The following CYLC1 variants were observed in gnomAD, a reference collection of about 807,000 sequenced individuals.
The protein encoded by CYLC1 is cylicin-1.
CYLC1 carries 2 observed loss-of-function variants against 31.6 expected under a neutral mutation model. The observed-to-expected ratio is 0.06, with a 90% CI of 0.03 to 0.20. CYLC1 has a LOEUF of 0.20. CYLC1 is among the 10% of genes least tolerant of loss of function. The pLI is 1.00. For missense variants in CYLC1, 595 were observed against 424.1 expected, an observed-to-expected ratio of 1.40 and a Z score of -3.54; for synonymous variants, 185 against 153.0, an observed-to-expected ratio of 1.21 and a Z score of -1.54.
chrX:83,876,318 C>G (rs2031757890), intron 4 of CYLC1, among the ~76,000 whole-genome samples: 1 of 110,132 alleles, frequency 9.1e-6, no homozygotes, highest in Admixed American at 9.8e-5. Flanking sequence ...TGGCTAACCA[C>G]TAGTGTGACA....
At chrX:83,884,207 CCT>C (rs1304937065) in intron 4 of CYLC1, among the ~76,000 whole-genome samples, 1 of 111,489 alleles carries the variant, frequency 9.0e-6, no homozygotes, top group African/African-American at 3.3e-5. Flanking sequence ...TATTGTGATG[CCT>C]CTTCACAACA....
intron 4 of CYLC1, among the ~76,000 whole-genome samples, chrX:83,885,990 T>C (rs2147788901): frequency 9.1e-6 from 1 of 110,364 alleles, no homozygotes; most frequent in African/African-American, 3.3e-5. Flanking sequence ...ACTATAAGGC[T>C]AAGAGAAATA....
In CYLC1 at chrX:83,873,606, T is replaced by A. The variant is rs1337038630; in HGVS notation, c.898T>A (p.Ser300Thr). Residue 300 changes from serine (S) to threonine (T), a missense_variant, in exon 4 of 5, where the codon TCT (serine) becomes ACT (threonine). Physicochemically the swap from Ser to Thr is moderately conservative, Grantham distance 58. Coordinates refer to ENST00000329312, the MANE Select transcript of CYLC1 (RefSeq NM_021118.3). ...KNAKKSSDAE[S>T]EDSKDAKKDS... Reference sequence around the variant, plus strand: ...TGCAAAGAAAAGCTCTGATGCTGAATCTGAAGACTCAAAGGATGCTAAGAA... The same window carrying A: ...TGCAAAGAAAAGCTCTGATGCTGAAACTGAAGACTCAAAGGATGCTAAGAA... 1 of 1,188,427 alleles carries A rather than the reference T, an allele frequency of 8.4e-7. No homozygotes were observed.
Position 83,873,284 on chromosome X carries a change from A to G in CYLC1, c.576A>G (p.Ser192=), listed in dbSNP as rs763585371. Residue 192 remains serine, a synonymous_variant, in exon 4 of 5, where the codon TCA becomes TCG. Coordinates refer to ENST00000329312, the MANE Select transcript of CYLC1 (RefSeq NM_021118.3). ...NPESQNSKTV[S]KNCSQKDKKD... is the part of the protein sequence containing the mutation. ...AATCCCAAAATTCTAAGACAGTCTC[A>G]AAAAATTGTTCACAAAAAGATAAGA... 1 of 1,200,649 alleles carries G rather than the reference A, an allele frequency of 8.3e-7. No individual in the cohort carries two copies. The highest frequency in any genetic ancestry group is 1.1e-6 in the Non-Finnish European group (1 of 891,084).
Position 83,874,066 on chromosome X carries a change from A to G in CYLC1, c.1358A>G (p.Asp453Gly). 8.3e-7 allele frequency: 1 copy of G among 1,204,884 alleles called. No homozygotes were observed. The highest frequency in any genetic ancestry group is 1.8e-5 in the South Asian group (1 of 55,861). The change falls in exon 4 of 5, where the codon GAT becomes GGT. Residue 453 changes from aspartate (D) to glycine (G), a missense_variant. Asp to Gly is a moderately conservative substitution (Grantham distance 94). Coordinates refer to ENST00000329312, the MANE Select transcript of CYLC1 (RefSeq NM_021118.3). The part of the protein sequence containing the change: ...STDADSEPKG[D>G]SKKGKKDEKK... ...GATGCTGACTCTGAACCGAAGGGAG[A>G]TTCAAAAAAGGGTAAAAAGGATGAA... is the stretch of plus-strand genomic sequence containing the variant.
At chrX:83,886,344 T>C (rs765615400) in intron 4 of CYLC1, among the ~76,000 whole-genome samples, 1 of 110,941 alleles carries the variant, frequency 9.0e-6, no homozygotes, top group Non-Finnish European at 1.9e-5. Context: ...ACTGCTAGAC[T>C]ATATCTTCCC....
intron 4 of CYLC1, among the ~76,000 whole-genome samples, chrX:83,875,976 C>T (rs1415441246): frequency 9.1e-6 from 1 of 110,465 alleles, no homozygotes; most frequent in Non-Finnish European, 1.9e-5. Flanking sequence ...CCTTTCTTCT[C>T]CTCATTTCTC....
intron 1 of CYLC1, among the ~76,000 whole-genome samples, chrX:83,869,309 C>T (rs1000845723): frequency 9.0e-6 from 1 of 110,582 alleles, no homozygotes; most frequent in Non-Finnish European, 1.9e-5. Context: ...ATTATTTAAT[C>T]ACTCAGGTAT....
chrX:83,866,620 A>G (rs2031596273), intron 1 of CYLC1, among the ~76,000 whole-genome samples: 1 of 110,938 alleles, frequency 9.0e-6, no homozygotes, highest in African/African-American at 3.3e-5. Context: ...TGAGGATTCC[A>G]GCCATTAAAA....
intron 4 of CYLC1, among the ~76,000 whole-genome samples, chrX:83,882,405 G>A (rs1422549131): frequency 9.2e-6 from 1 of 108,977 alleles, no homozygotes; most frequent in East Asian, 2.9e-4. Flanking sequence ...CTTCATTTCT[G>A]TACCTTTTCT....
chrX:83,874,077 G>A lies in CYLC1; in HGVS notation c.1369G>A (p.Gly457Ser). The change falls in exon 4 of 5, where the codon GGT becomes AGT. Residue 457 changes from glycine (G) to serine (S), a missense_variant. By Grantham distance (56) the Gly-to-Ser change is moderately conservative (BLOSUM62 0). Transcript: ENST00000329312. ...DSEPKGDSKKGKKDEKKGKKD... is the reference protein window; with the variant it reads ...DSEPKGDSKKSKKDEKKGKKD... Reference sequence around the variant, plus strand: ...TGAACCGAAGGGAGATTCAAAAAAGGGTAAAAAGGATGAAAAGAAGGGGAA... The same window carrying A: ...TGAACCGAAGGGAGATTCAAAAAAGAGTAAAAAGGATGAAAAGAAGGGGAA... The A allele has an allele frequency of 1.7e-6, 2 of 1,204,307 alleles. No homozygotes were observed. The highest frequency in any genetic ancestry group is 2.2e-6 in the Non-Finnish European group (2 of 891,482).
intron 4 of CYLC1, among the ~76,000 whole-genome samples, chrX:83,882,543 A>C (rs2031926255): frequency 9.1e-6 from 1 of 110,493 alleles, no homozygotes; most frequent in Admixed American, 9.7e-5. Flanking sequence ...CTCTTCCCTT[A>C]ACTTCCCTGA....
At chrX:83,886,405 A>G (rs2031983380) in intron 4 of CYLC1, 147 bp from the exon 5 acceptor site, 2 of 515,659 alleles carry the variant, frequency 3.9e-6, no homozygotes, top group Admixed American at 7.8e-5. Context: ...TGCGTTTTTA[A>G]TAAGAAATAA....
intron 4 of CYLC1, among the ~76,000 whole-genome samples, chrX:83,875,893 G>A (rs1311130583): frequency 9.1e-6 from 1 of 110,392 alleles, no homozygotes; most frequent in African/African-American, 3.3e-5. Flanking sequence ...CCTCTGACCT[G>A]TTAAACTCAC....
chrX:83,886,504 CAAAT>C (rs753353831), intron 4 of CYLC1, 44 bp from the exon 5 acceptor site: 3 of 1,161,203 alleles, frequency 2.6e-6, no homozygotes, highest in Non-Finnish European at 3.5e-6. Flanking sequence ...GATTAATAGA[CAAAT>C]AAAGCCTTTC....
chrX:83,861,199 T>A lies in CYLC1; in HGVS notation c.17T>A (p.Leu6Ter). ...GCAGGGGAAATGTCTCTTCCAAGGT[T>A]GTAAGTCCTCTTTTTAATATTTTTT... MSLPR[L>*]LKVNIRTYDN... is the part of the protein sequence containing the mutation. Residue 6 changes from leucine to a stop codon, truncating the protein, a stop_gained and splice_region_variant, in exon 1 of 5, where the codon TTG (leucine) becomes TAG (stop). Coordinates refer to ENST00000329312, the MANE Select transcript of CYLC1 (RefSeq NM_021118.3). LOFTEE classifies it high-confidence loss of function. 3 of 1,191,563 alleles carry A rather than the reference T, an allele frequency of 2.5e-6. No individual in the cohort carries two copies. Among genetic ancestry groups the A allele is most frequent in the Non-Finnish European group, 3.4e-6 (3 of 880,909 alleles).
At chrX:83,877,891 T>C (rs1261849092) in intron 4 of CYLC1, among the ~76,000 whole-genome samples, 2 of 41,745 alleles carry the variant, frequency 4.8e-5, no homozygotes, top group Non-Finnish European at 9.2e-5. Context: ...TATATATATA[T>C]ATATACAAAT....
intron 1 of CYLC1, among the ~76,000 whole-genome samples, chrX:83,866,992 G>A (rs1157341949): frequency 9.0e-6 from 1 of 111,007 alleles, no homozygotes; most frequent in Non-Finnish European, 1.9e-5. Context: ...CTCCTCAACT[G>A]AATATCCAAG....
intron 1 of CYLC1, among the ~76,000 whole-genome samples, chrX:83,867,172 A>G: frequency 9.0e-6 from 1 of 111,663 alleles, no homozygotes; most frequent in Non-Finnish European, 1.9e-5. Flanking sequence ...AAGTCTTTTT[A>G]TGATGATTTA....
Sources: allele counts gnomAD v4.1 joint callset (sites outside exome capture counted in the v4.1 genomes callset), GRCh38; gene constraint gnomAD v4.1.1; transcripts MANE v1.5; gene names NCBI Gene and HGNC (gene_info 2026-07-23, HGNC 2026-07-21).